Variants in FOCAD observed in about 807,000 individuals in gnomAD.
FOCAD encodes KIAA1797.
Under a neutral mutation model 225.6 loss-of-function variants are expected in FOCAD, and 198 were observed. The observed-to-expected ratio is 0.88, with a 90% CI of 0.78 to 0.99. FOCAD has a LOEUF of 0.99. FOCAD is among the 50% of genes least tolerant of loss of function. FOCAD has a pLI of 0.00. For missense variants in FOCAD, 2,713 were observed against 2,123.6 expected (o/e 1.28, Z -5.46); for synonymous variants, 897 against 755.0 (o/e 1.19, Z -3.08).
At chr9:20,950,937 T>C in intron 33 of FOCAD, 59 bp from the exon 34 acceptor site, 1 of 1,470,492 alleles carries the variant, frequency 6.8e-7, no homozygotes, top group Non-Finnish European at 9.5e-7. Context: ...TGAGTGACCT[T>C]TTATTGAATG....
intron 15 of FOCAD, among the ~76,000 whole-genome samples, chr9:20,843,624 G>T (rs1167075696): frequency 2.0e-5 from 3 of 152,004 alleles, no homozygotes; most frequent in Non-Finnish European, 4.4e-5. Context: ...TAACCTTTGT[G>T]TACTTGAATA....
At chr9:20,715,069 C>T (rs1175319901) in intron 1 of FOCAD, among the ~76,000 whole-genome samples, 1 of 152,034 alleles carries the variant, frequency 6.6e-6, no homozygotes, top group Non-Finnish European at 1.5e-5. Context: ...AGTGCAAATT[C>T]ATCTTTTTCA....
At chr9:20,810,412 A>C (rs1822936426) in intron 11 of FOCAD, among the ~76,000 whole-genome samples, 1 of 152,128 alleles carries the variant, frequency 6.6e-6, no homozygotes, top group Non-Finnish European at 1.5e-5. Flanking sequence ...AATTGCACCT[A>C]ATTATACATT....
intron 11 of FOCAD, among the ~76,000 whole-genome samples, chr9:20,807,883 C>G (rs374797109): frequency 1.5e-4 from 23 of 152,146 alleles, no homozygotes; most frequent in African/African-American, 5.5e-4. Context: ...AACCCTGTCT[C>G]TAATAAAAAT....
chr9:20,814,336 ATTTTC>A (rs1823416764), intron 11 of FOCAD, among the ~76,000 whole-genome samples: 1 of 145,896 alleles, frequency 6.9e-6, no homozygotes, highest in Non-Finnish European at 1.5e-5. Flanking sequence ...TTCATCACTC[ATTTTC>A]TTTTCTTTTT....
intron 7 of FOCAD, among the ~76,000 whole-genome samples, chr9:20,768,235 A>C (rs1830230038): frequency 6.7e-6 from 1 of 149,458 alleles, no homozygotes; most frequent in African/African-American, 2.5e-5. Context: ...GTAGCCTTGT[A>C]GTATAGTTTG....
At position 20,789,437 on chromosome 9, in the gene FOCAD, G is replaced by C. The variant is rs367694040; in HGVS notation, c.1284G>C (p.Ser428=). 6.2e-7 allele frequency: 1 copy of C among 1,613,938 alleles called. No homozygotes were observed. The highest frequency in any genetic ancestry group is 8.5e-7 in the Non-Finnish European group (1 of 1,179,950). ...GGATTCTTGAAGTAATGACAGACTC[G>C]TCTGCTGCAAGTGACTGGTTGGCTT... ...AWRILEVMTD[S]SAASDWLASV... is the part of the protein sequence containing the mutation. The change falls in exon 11 of 44, where the codon TCG becomes TCC. Residue 428 remains serine, a synonymous_variant. Coordinates refer to ENST00000338382, the MANE Select transcript of FOCAD (RefSeq NM_001375567.1).
chr9:20,924,186 A>G (rs1834729647), intron 25 of FOCAD, among the ~76,000 whole-genome samples: 1 of 152,200 alleles, frequency 6.6e-6, no homozygotes, highest in African/African-American at 2.4e-5. Context: ...TTTGCAAGGC[A>G]GTTATTTCTT....
At chr9:20,735,971 G>A (rs1376543899) in intron 4 of FOCAD, among the ~76,000 whole-genome samples, 5 of 152,092 alleles carry the variant, frequency 3.3e-5, no homozygotes, top group Admixed American at 6.5e-5. Flanking sequence ...TTTAACTGGA[G>A]AACCTCTTTA....
At chr9:20,714,007 A>G (rs1368224815) in intron 1 of FOCAD, among the ~76,000 whole-genome samples, 2 of 152,228 alleles carry the variant, frequency 1.3e-5, no homozygotes, top group African/African-American at 4.8e-5. Flanking sequence ...AAAGTTGGAC[A>G]TAGATGTCGA....
At chr9:20,658,192 A>T (rs1821574884), upstream of FOCAD, 1 of 152,252 alleles carries the variant, frequency 6.6e-6, no homozygotes, top group African/African-American at 2.4e-5. Flanking sequence ...GCTGTCAGAC[A>T]GGGACACTTA....
At chr9:20,925,532 G>A (rs79639399) in intron 25 of FOCAD, among the ~76,000 whole-genome samples, 4,515 of 152,232 alleles carry the variant, frequency 0.03, 116 homozygotes, top group African/African-American at 0.067. Flanking sequence ...TTTGATTAAA[G>A]TTGAAACTTT....
intron 15 of FOCAD, among the ~76,000 whole-genome samples, chr9:20,833,906 A>G (rs932004865): frequency 6.6e-6 from 1 of 152,132 alleles, no homozygotes; most frequent in African/African-American, 2.4e-5. Flanking sequence ...TTGTAAATGT[A>G]CAACTACTGT....
intron 5 of FOCAD, among the ~76,000 whole-genome samples, chr9:20,755,170 C>T (rs1394483018): frequency 2.6e-5 from 4 of 152,212 alleles, no homozygotes. Context: ...GTATCATCAC[C>T]TGCAATATTG....
At chr9:20,656,744 G>A (rs973348287), upstream of FOCAD, among the ~76,000 whole-genome samples, 2 of 152,136 alleles carry the variant, frequency 1.3e-5, no homozygotes, top group Non-Finnish European at 2.9e-5. Flanking sequence ...TTGCCAGTCT[G>A]TGTCTTTTAA....
intron 11 of FOCAD, among the ~76,000 whole-genome samples, chr9:20,815,144 T>TTTTTTTTTTTTTTTTTTTTTC (rs1823580379): frequency 8.0e-6 from 1 of 124,962 alleles, no homozygotes; most frequent in Admixed American, 8.1e-5. Flanking sequence ...TTTGTTTTTT[T>TTTTTTTTTTTTTTTTTTTTTC]TTTTTTTTTT....
chr9:20,751,815 A>G (rs1273887722), intron 5 of FOCAD, among the ~76,000 whole-genome samples: 4 of 146,794 alleles, frequency 2.7e-5, no homozygotes, highest in Admixed American at 2.0e-4. Flanking sequence ...CCTCTCCAGC[A>G]CCTGTTGTTT....
At chr9:20,929,784 A>G (rs565919889) in intron 27 of FOCAD, among the ~76,000 whole-genome samples, 188 bp downstream of exon 27, 3 of 152,312 alleles carry the variant, frequency 2.0e-5, no homozygotes, top group East Asian at 3.9e-4. Context: ...ACCATCGTGT[A>G]GGTATTAATG....
intron 24 of FOCAD, among the ~76,000 whole-genome samples, chr9:20,917,882 C>A (rs1834004384): frequency 6.6e-6 from 1 of 152,190 alleles, no homozygotes; most frequent in Non-Finnish European, 1.5e-5. Flanking sequence ...CTGATCTCAG[C>A]AGATTATCAC....
Sources: allele counts gnomAD v4.1 joint callset (sites outside exome capture counted in the v4.1 genomes callset), GRCh38; gene constraint gnomAD v4.1.1; transcripts MANE v1.5; gene names NCBI Gene and HGNC (gene_info 2026-07-23, HGNC 2026-07-21).